Variants in AMD1 observed in about 807,000 individuals in gnomAD.
AMD1 encodes the protein adenosylmethionine decarboxylase 1.
AMD1 carries 11 observed loss-of-function variants against 40.2 expected under a neutral mutation model. The observed-to-expected ratio is 0.27, with a 90% CI of 0.17 to 0.45. AMD1 has a LOEUF of 0.45. AMD1 is among the 20% of genes least tolerant of loss of function. The pLI, the probability that AMD1 is intolerant of heterozygous loss-of-function variation, is 1.00. For synonymous variants in AMD1, 121 were observed against 130.8 expected, an observed-to-expected ratio of 0.93 and a Z score of 0.51; for missense variants, 257 against 410.2, an observed-to-expected ratio of 0.63 and a Z score of 3.23.
At chr6:110,858,449 T>A in the AMD1 span, 1 of 1,046,268 alleles carries the variant, frequency 9.6e-7, no homozygotes, top group Non-Finnish European at 1.5e-6. Flanking sequence ...ACAGCCGGGC[T>A]CAGTCCTCAA....
At chr6:110,870,029 G>A (rs147821598), upstream of AMD1, among the ~76,000 whole-genome samples, 207 of 152,296 alleles carry the variant, frequency 1.4e-3, no homozygotes, top group African/African-American at 4.6e-3. Flanking sequence ...GGGATTACAG[G>A]CATTAGCCAC....
chr6:110,871,078 G>T (rs1399797217), upstream of AMD1, among the ~76,000 whole-genome samples: 1 of 152,146 alleles, frequency 6.6e-6, no homozygotes, highest in Non-Finnish European at 1.5e-5. Context: ...AGGTCAGTAC[G>T]GATGGAGTAC....
rs1469192820 is a variant in AMD1, at chr6:110,895,669, A to G, written c.*2053A>G. On this transcript the variant is annotated 3_prime_UTR_variant, in exon 9 of 9. Coordinates refer to ENST00000368885, the MANE Select transcript of AMD1 (RefSeq NM_001634.6). The stretch of plus-strand genomic sequence containing the variant: ...AGTTGAAATGTATTTCTGTACCACA[A>G]TTTACGCTTCAATAAAAGTTTAATT... The G allele has an allele frequency of 6.6e-6, 1 of 152,632 alleles. No homozygotes were observed. The highest frequency in any genetic ancestry group is 2.4e-5 in the African/African-American group (1 of 41,460). 9.5% of individuals were successfully genotyped at this position (152,632 alleles called of 1,614,324 possible). A position where few individuals can be genotyped will look rare whatever the true frequency, so the allele number is the denominator to read the frequency against.
the AMD1 span, among the ~76,000 whole-genome samples, chr6:110,825,036 C>T: frequency 3.9e-5 from 6 of 152,280 alleles, no homozygotes; most frequent in East Asian, 1.2e-3. Context: ...AGTAGTCCCA[C>T]CTTGTCCTTG....
At chr6:110,883,661 G>A (rs1397884638) in intron 1 of AMD1, among the ~76,000 whole-genome samples, 5 of 152,126 alleles carry the variant, frequency 3.3e-5, no homozygotes, top group African/African-American at 7.2e-5. Context: ...ACACGATCTC[G>A]GCTCACTGCA....
the AMD1 span, among the ~76,000 whole-genome samples, chr6:110,817,113 A>T: frequency 6.6e-6 from 1 of 152,216 alleles, no homozygotes. Flanking sequence ...TACACACTTA[A>T]ACATGATTGG....
At chr6:110,815,291 C>T in the AMD1 span, 1 of 775,310 alleles carries the variant, frequency 1.3e-6, no homozygotes. Context: ...GGTCCGCCTT[C>T]AGCAAGGGAC....
chr6:110,845,731 TTTTGGGACTCGGATGGGCTTCTTTG>T, the AMD1 span, among the ~76,000 whole-genome samples: 2 of 152,144 alleles, frequency 1.3e-5, no homozygotes, highest in Admixed American at 6.6e-5. Context: ...ACTTTTCAGG[TTTTGGGACTCGGATGGGCTTCTTTG>T]CTCCTCAGCT....
the AMD1 span, among the ~76,000 whole-genome samples, chr6:110,853,402 G>A: frequency 1.3e-5 from 2 of 151,888 alleles, no homozygotes; most frequent in Admixed American, 1.3e-4. Flanking sequence ...CCACTTCCCG[G>A]GTTCAAGCGA....
chr6:110,851,197 C>T, the AMD1 span, among the ~76,000 whole-genome samples: 1 of 152,136 alleles, frequency 6.6e-6, no homozygotes, highest in East Asian at 1.9e-4. Context: ...AACTCCTGAC[C>T]TCAGGTGATC....
chr6:110,891,879 A>AT, intron 4 of AMD1: 1 of 418,838 alleles, frequency 2.4e-6, no homozygotes, highest in East Asian at 4.8e-5. Flanking sequence ...AGTAGCTGGG[A>AT]TTATAGGCAT....
chr6:110,871,802 G>C (rs904041717), upstream of AMD1, among the ~76,000 whole-genome samples: 2 of 152,170 alleles, frequency 1.3e-5, no homozygotes, highest in African/African-American at 4.8e-5. Context: ...AAATTCAAGG[G>C]AGATGTCTGG....
chr6:110,859,016 C>A, the AMD1 span: 2 of 1,200,830 alleles, frequency 1.7e-6, no homozygotes, highest in Non-Finnish European at 2.5e-6. Flanking sequence ...AGGTCTTTGG[C>A]CTGGGCCGGC....
the AMD1 span, among the ~76,000 whole-genome samples, chr6:110,820,999 C>T: frequency 6.6e-6 from 1 of 152,174 alleles, no homozygotes; most frequent in African/African-American, 2.4e-5. Context: ...CTGGTCTCTA[C>T]TGTGGTGTTT....
the AMD1 span, chr6:110,816,052 T>G: frequency 6.6e-6 from 1 of 152,246 alleles, no homozygotes. Flanking sequence ...TTGATCTTTT[T>G]TCTTTACGAT....
the AMD1 span, chr6:110,814,853 G>A: frequency 4.2e-6 from 4 of 951,874 alleles, no homozygotes; most frequent in South Asian, 2.9e-5. Context: ...CGGGCGGAAC[G>A]GGCGCCCCTC....
the AMD1 span, among the ~76,000 whole-genome samples, chr6:110,862,008 A>C: frequency 6.0e-5 from 9 of 149,836 alleles, no homozygotes; most frequent in Non-Finnish European, 8.9e-5. Flanking sequence ...GACCTATTAA[A>C]GATTTAAAAT....
At chr6:110,827,511 T>G in the AMD1 span, among the ~76,000 whole-genome samples, 4 of 152,112 alleles carry the variant, frequency 2.6e-5, no homozygotes, top group African/African-American at 9.7e-5. Context: ...ACGCCTGTAA[T>G]GCCAGCACTT....
At chr6:110,831,241 C>G in the AMD1 span, among the ~76,000 whole-genome samples, 1 of 152,000 alleles carries the variant, frequency 6.6e-6, no homozygotes, top group South Asian at 2.1e-4. Context: ...AGTTCAAGAC[C>G]AGTCTGGCCA....
Sources: allele counts gnomAD v4.1 joint callset (sites outside exome capture counted in the v4.1 genomes callset), GRCh38; gene constraint gnomAD v4.1.1; transcripts MANE v1.5; gene names NCBI Gene and HGNC (gene_info 2026-07-23, HGNC 2026-07-21).